Variants in DMD observed in about 807,000 individuals in gnomAD.
DMD encodes mutant dystrophin.
In DMD, 63 loss-of-function variants were observed where a neutral mutation model predicts 330.1. That is an observed-to-expected ratio of 0.19 (90% CI 0.16 to 0.24). The LOEUF is 0.24. Among genes scored for constraint, DMD ranks in the 10% least tolerant of loss-of-function variants. DMD has a pLI of 1.00. For synonymous variants in DMD, 1,223 were observed against 959.8 expected (o/e 1.27, Z -5.07); for missense variants, 3,344 against 2,684.1 (o/e 1.25, Z -5.43).
chrX:31,453,912 C>G (rs955761062), intron 59 of DMD, among the ~76,000 whole-genome samples: 2 of 109,985 alleles, frequency 1.8e-5, no homozygotes, highest in African/African-American at 6.6e-5. Context: ...TTTTAATGAG[C>G]ACAAATAAGT....
intron 44 of DMD, among the ~76,000 whole-genome samples, chrX:32,062,835 C>T (rs1261427283): frequency 9.1e-6 from 1 of 109,792 alleles, no homozygotes; most frequent in Non-Finnish European, 1.9e-5. Context: ...GAACCAAAAG[C>T]CAGTCCAAAC....
chrX:31,357,844 A>G (rs2058745754), intron 60 of DMD, among the ~76,000 whole-genome samples: 1 of 111,980 alleles, frequency 8.9e-6, no homozygotes, highest in African/African-American at 3.2e-5. Context: ...TTACAAATCA[A>G]TAAACCGGAA....
intron 44 of DMD, among the ~76,000 whole-genome samples, chrX:32,132,993 C>CTTTTTTTTTTTTTTTTTTTTTTTT (rs377615262): frequency 1.3e-4 from 10 of 75,973 alleles, no homozygotes; most frequent in Admixed American, 5.0e-4. Context: ...CTTTTCTTTT[C>CTTTTTTTTTTTTTTTTTTTTTTTT]TTTTTTTTTT....
At chrX:32,384,859 A>G (rs905752883) in intron 33 of DMD, among the ~76,000 whole-genome samples, 33 of 111,299 alleles carry the variant, frequency 3.0e-4, no homozygotes, top group African/African-American at 9.7e-4. Context: ...CAGTTCTTTC[A>G]GTCAGAACGA....
At position 32,346,014 on chromosome X, in the gene DMD, T is replaced by A; in HGVS notation, c.5515A>T (p.Thr1839Ser). Residue 1839 changes from threonine to serine, a missense_variant, in exon 39 of 79, where the codon ACA becomes TCA. By Grantham distance (58) the Thr-to-Ser change is moderately conservative (BLOSUM62 1). Coordinates refer to ENST00000357033, the MANE Select transcript of DMD (RefSeq NM_004006.3). ...ATTTCCTCTCGCTTTCTCTCATCTG[T>A]GATTCTTTGTTGTAAGTTGTCTCCT... Reference protein sequence around the residue: ...QRGDNLQQRITDERKREEIKI... With the variant: ...QRGDNLQQRISDERKREEIKI... 1.7e-6 allele frequency: 2 copies of A among 1,209,895 alleles called. No homozygotes were observed. Among genetic ancestry groups the A allele is most frequent in the Non-Finnish European group, 2.2e-6 (2 of 894,133 alleles).
chrX:32,868,909 T>C (rs2082730631), intron 2 of DMD, among the ~76,000 whole-genome samples: 1 of 111,862 alleles, frequency 8.9e-6, no homozygotes, highest in Non-Finnish European at 1.9e-5. Context: ...CCAGAGTGCT[T>C]CCTTAAGTGG....
At chrX:32,943,799 A>T (rs1251951476) in intron 2 of DMD, among the ~76,000 whole-genome samples, 1 of 112,098 alleles carries the variant, frequency 8.9e-6, no homozygotes, top group Non-Finnish European at 1.9e-5. Context: ...TACAAGGAAA[A>T]GTTATTTTTA....
chrX:32,119,328 T>TA (rs563310793), intron 44 of DMD, among the ~76,000 whole-genome samples: 3,724 of 73,038 alleles, frequency 0.051, 127 homozygotes, highest in African/African-American at 0.099. Flanking sequence ...GTGAGACAGT[T>TA]AAAAAAAAAA....
intron 1 of DMD, among the ~76,000 whole-genome samples, chrX:33,183,955 A>G (rs764965804): frequency 8.9e-6 from 1 of 111,998 alleles, no homozygotes; most frequent in South Asian, 3.7e-4. Context: ...GTGAATGCTT[A>G]TAAAGAGTGG....
At chrX:33,247,816 G>A (rs2052693978) in intron 1 of DMD, among the ~76,000 whole-genome samples, 1 of 111,156 alleles carries the variant, frequency 9.0e-6, no homozygotes, top group South Asian at 3.7e-4. Context: ...AATTAAGACT[G>A]GGTTGCATGA....
chrX:32,273,436 A>G lies in DMD; in HGVS notation c.6290+14093T>C, dbSNP rs779778273. Among the ~76,000 whole-genome samples, 10 of 111,046 alleles carry G rather than the reference A, an allele frequency of 9.0e-5. No individual in the cohort carries two copies. In the East Asian group the frequency reaches 2.3e-3, roughly 25 times the overall value. On this transcript the variant is annotated intron_variant, in intron 43 of 78. Coordinates refer to ENST00000357033, the MANE Select transcript of DMD (RefSeq NM_004006.3). ...CTCACTCAAAAAAAAATAAATAAGT[A>G]AAAGAAAAATAACGCTCTTTTTAAA...
intron 2 of DMD, among the ~76,000 whole-genome samples, chrX:33,015,983 G>C (rs1214186789): frequency 9.0e-6 from 1 of 111,091 alleles, no homozygotes; most frequent in Admixed American, 9.6e-5. Flanking sequence ...GATAGAGCCA[G>C]CGCCCTTAAA....
chrX:32,468,563 A>T lies in DMD; in HGVS notation c.3097T>A (p.Ser1033Thr), dbSNP rs777773257. The change falls in exon 23 of 79, where the codon TCC (serine) becomes ACC (threonine). Residue 1033 changes from serine (S) to threonine (T), a missense_variant. Physicochemically the swap from Ser to Thr is moderately conservative, Grantham distance 58 (BLOSUM62 1). Coordinates refer to ENST00000357033, the MANE Select transcript of DMD (RefSeq NM_004006.3). ...TGACAATGCTCAACCAGCTGGGAGG[A>T]GAGCTTCTTCCAGCGTCCCTCAATT... ...EEIEGRWKKLSSQLVEHCQKL... is the reference protein window; with the variant it reads ...EEIEGRWKKLTSQLVEHCQKL... The T allele has an allele frequency of 8.3e-7, 1 of 1,210,695 alleles. No homozygotes were observed. Among genetic ancestry groups the T allele is most frequent in the East Asian group, 3.0e-5 (1 of 33,769 alleles).
intron 13 of DMD, among the ~76,000 whole-genome samples, chrX:32,583,013 C>A (rs2149195740): frequency 9.0e-6 from 1 of 111,665 alleles, no homozygotes; most frequent in African/African-American, 3.3e-5. Context: ...AATCACCATC[C>A]TAACCCCCTA....
chrX:32,299,835 G>C (rs1490383516), intron 42 of DMD, among the ~76,000 whole-genome samples: 2 of 111,041 alleles, frequency 1.8e-5, no homozygotes, highest in Non-Finnish European at 3.8e-5. Flanking sequence ...TTACATTCAA[G>C]ATTAGTCCAG....
chrX:32,747,694 G>T (rs762224870), intron 7 of DMD, among the ~76,000 whole-genome samples: 1 of 110,069 alleles, frequency 9.1e-6, no homozygotes, highest in East Asian at 2.9e-4. Context: ...TCTCAGTCTT[G>T]TCTGGAACTC....
At chrX:32,713,794 C>T (rs1160379731) in intron 7 of DMD, among the ~76,000 whole-genome samples, 2 of 111,597 alleles carry the variant, frequency 1.8e-5, no homozygotes, top group African/African-American at 3.3e-5. Flanking sequence ...TATACAGATG[C>T]TCCTCGACTT....
At chrX:33,159,622 T>C (rs1157720424) in intron 1 of DMD, 1 of 112,180 alleles carries the variant, frequency 8.9e-6, no homozygotes, top group Non-Finnish European at 1.9e-5. Context: ...AACACATCTT[T>C]TTTAATGTCT....
At chrX:31,481,765 C>CT in intron 57 of DMD, among the ~76,000 whole-genome samples, 1 of 111,470 alleles carries the variant, frequency 9.0e-6, no homozygotes, top group South Asian at 3.8e-4. Flanking sequence ...AAGCTGAACT[C>CT]TATGTTGTTA....
Sources: gnomAD v4.1 joint callset for allele counts (sites outside exome capture counted in the v4.1 genomes callset) on GRCh38, gnomAD v4.1.1 for gene constraint, MANE v1.5 for transcripts, NCBI Gene and HGNC (gene_info 2026-07-23, HGNC 2026-07-21) for gene names.